Variants in MINAR1 observed in about 807,000 individuals in gnomAD.
MINAR1 encodes membrane integral NOTCH2 associated receptor 1.
MINAR1 carries 40 observed loss-of-function variants against 65.1 expected under a neutral mutation model. The ratio of observed to expected loss-of-function variants is 0.61; its 90% CI spans 0.48 to 0.80. MINAR1 has a LOEUF of 0.80. Ranked by LOEUF, MINAR1 falls within the 30% of genes least tolerant of loss-of-function variation. The pLI, the probability that MINAR1 is intolerant of heterozygous loss-of-function variation, is 0.00. For missense variants in MINAR1, 1,128 were observed against 1,148.0 expected (o/e 0.98, Z 0.25); for synonymous variants, 482 against 449.1 (o/e 1.07, Z -0.93).
intron 1 of MINAR1, among the ~76,000 whole-genome samples, chr15:79,451,263 G>T (rs1386972648): frequency 6.6e-6 from 1 of 152,142 alleles, no homozygotes; most frequent in Admixed American, 6.5e-5. Flanking sequence ...GGGGAGGCCA[G>T]GTCTCAATGT....
chr15:79,426,966 A>G, the MINAR1 span: 1 of 152,252 alleles, frequency 6.6e-6, no homozygotes, highest in Non-Finnish European at 1.5e-5. Flanking sequence ...AGACACATGC[A>G]CACGTATGTT....
rs1329258665 is a variant in MINAR1, at chr15:79,442,601, A to G, written c.-51+10061A>G. On this transcript the variant is annotated intron_variant, in intron 1 of 3. Coordinates refer to ENST00000305428, the MANE Select transcript of MINAR1 (RefSeq NM_015206.3). ...CTTGCCCCATAAAAATGAAAAAAAA[A>G]AAAAAAAAACTTCCAACAAAACATA... Among the ~76,000 whole-genome samples, 29 of 151,738 alleles carry G rather than the reference A, an allele frequency of 1.9e-4. 1 individual carries two copies. Among genetic ancestry groups the G allele is most frequent in the Admixed American group, 1.9e-3 (29 of 15,262 alleles).
upstream of MINAR1, among the ~76,000 whole-genome samples, chr15:79,432,281 G>A (rs1168095988): frequency 6.6e-6 from 1 of 152,150 alleles, no homozygotes. Flanking sequence ...GCTGGCCCTG[G>A]CCGGGACTGC....
At chr15:79,449,346 G>A (rs139484097) in intron 1 of MINAR1, among the ~76,000 whole-genome samples, 9 of 152,236 alleles carry the variant, frequency 5.9e-5, no homozygotes, top group African/African-American at 1.2e-4. Flanking sequence ...TTTAGTGTAC[G>A]CCCTATCTTA....
At chr15:79,439,379 T>G in intron 1 of MINAR1, among the ~76,000 whole-genome samples, 1 of 90,384 alleles carries the variant, frequency 1.1e-5, no homozygotes, top group Non-Finnish European at 2.3e-5. Context: ...GGGTAGGCAG[T>G]GTGTGTGTGG....
At chr15:79,452,270 T>G (rs890412692) in intron 1 of MINAR1, among the ~76,000 whole-genome samples, 3 of 150,908 alleles carry the variant, frequency 2.0e-5, no homozygotes, top group East Asian at 1.9e-4. Flanking sequence ...GTCTGTGTGT[T>G]TAGGTCTGTG....
Position 79,456,938 on chromosome 15 carries a change from T to C in MINAR1, c.791T>C (p.Phe264Ser), listed in dbSNP as rs1895442987. The C allele has an allele frequency of 6.2e-7, 1 of 1,614,026 alleles. No homozygotes were observed. Among genetic ancestry groups the C allele is most frequent in the Non-Finnish European group, 8.5e-7 (1 of 1,180,020 alleles). The part of the protein sequence containing the change: ...VQKRNIFKED[F>S]HNLMAVSPSL... ...AAAAGGAATATCTTCAAAGAGGATT[T>C]TCACAATTTGATGGCAGTGTCCCCC... Residue 264 changes from phenylalanine (F) to serine (S), a missense_variant, in exon 2 of 4, where the codon TTT (phenylalanine) becomes TCT (serine). Phe to Ser is a radical substitution (Grantham distance 155). Coordinates refer to ENST00000305428, the MANE Select transcript of MINAR1 (RefSeq NM_015206.3).
At chr15:79,437,478 A>G (rs1277534071) in intron 1 of MINAR1, among the ~76,000 whole-genome samples, 1 of 143,588 alleles carries the variant, frequency 7.0e-6, no homozygotes, top group African/African-American at 2.6e-5. Flanking sequence ...GTGGGTGGGT[A>G]GTGAGTAGGT....
intron 1 of MINAR1, among the ~76,000 whole-genome samples, chr15:79,452,898 T>G (rs1458992277): frequency 6.6e-6 from 1 of 151,054 alleles, no homozygotes; most frequent in African/African-American, 2.4e-5. Flanking sequence ...TGTAGGTGTG[T>G]CTGGGTGAAT....
chr15:79,432,269 G>T (rs1318140069), upstream of MINAR1, among the ~76,000 whole-genome samples: 1 of 152,096 alleles, frequency 6.6e-6, no homozygotes, highest in Admixed American at 6.5e-5. Context: ...CAGCCGCGGC[G>T]CGCTGGCCCT....
Position 79,459,459 on chromosome 15 carries a change from C to T in MINAR1, c.2298+1014C>T, listed in dbSNP as rs554362082. Among the ~76,000 whole-genome samples, 4 of 152,312 alleles carry T rather than the reference C, an allele frequency of 2.6e-5. No homozygotes were observed. In the East Asian group the frequency reaches 5.8e-4, roughly 22 times the overall value. On this transcript the variant is annotated intron_variant, in intron 2 of 3. Coordinates refer to ENST00000305428, the MANE Select transcript of MINAR1 (RefSeq NM_015206.3). ...CTGTGGCCCATCCTGTTCATTCTAA[C>T]TGGGTTACAGTGACCCCTTTCTGGC...
chr15:79,432,585 A>AGAGTGT (rs111350363), intron 1 of MINAR1, 45 bp downstream of exon 1: 4 of 150,648 alleles, frequency 2.7e-5, no homozygotes, highest in African/African-American at 9.7e-5. Context: ...GGAGCGCACG[A>AGAGTGT]GTGTGTGTGT....
intron 3 of MINAR1, 77 bp downstream of exon 3, chr15:79,463,398 C>T: frequency 6.4e-7 from 1 of 1,553,880 alleles, no homozygotes; most frequent in Non-Finnish European, 8.8e-7. Context: ...TCACGGACGG[C>T]TTAGACCGGC....
chr15:79,425,376 G>A, the MINAR1 span: 1 of 152,124 alleles, frequency 6.6e-6, no homozygotes, highest in Non-Finnish European at 1.5e-5. Context: ...CATCCCATTT[G>A]AACACTGCAA....
intron 1 of MINAR1, among the ~76,000 whole-genome samples, chr15:79,435,757 A>G (rs1042007973): frequency 1.3e-5 from 2 of 152,378 alleles, no homozygotes; most frequent in Admixed American, 6.5e-5. Context: ...ATTTGTTGCT[A>G]TATCTCTAGT....
At position 79,439,377 on chromosome 15, in the gene MINAR1, A is replaced by AGT. The variant is rs1180250813; in HGVS notation, c.-51+6847_-51+6848dup. Reference sequence around the variant, plus strand: ...GTAATGAGATGTGGGTGGGGTAGGCAGTGTGTGTGTGGGTGTGTGTGGGTA... The same window carrying AGT: ...GTAATGAGATGTGGGTGGGGTAGGCAGTGTGTGTGTGTGGGTGTGTGTGGGTA... On this transcript the variant is annotated intron_variant, in intron 1 of 3. Coordinates refer to ENST00000305428, the MANE Select transcript of MINAR1 (RefSeq NM_015206.3). Among the ~76,000 whole-genome samples, 5 of 61,604 alleles carry AGT rather than the reference A, an allele frequency of 8.1e-5. No individual in the cohort carries two copies. The South Asian group carries it at 2.7e-3, about 33-fold the overall frequency. 40.4% of individuals were successfully genotyped at this position (61,604 alleles called of 152,430 possible).
At position 79,457,244 on chromosome 15, in the gene MINAR1, C is replaced by T; in HGVS notation, c.1097C>T (p.Ala366Val). The T allele has an allele frequency of 6.2e-7, 1 of 1,614,128 alleles. No homozygotes were observed. The highest frequency in any genetic ancestry group is 1.6e-4 in the Middle Eastern group (1 of 6,062). The change falls in exon 2 of 4, where the codon GCC (alanine) becomes GTC (valine). Residue 366 changes from alanine (A) to valine (V), a missense_variant. Physicochemically the swap from Ala to Val is moderately conservative, Grantham distance 64. Transcript: ENST00000305428. Reference protein sequence around the residue: ...GKPNKQTPWPAKSWSLNTEEV... With the variant: ...GKPNKQTPWPVKSWSLNTEEV... ...CCCAACAAGCAGACTCCCTGGCCAG[C>T]CAAAAGCTGGAGCCTAAACACAGAG...
In MINAR1 at chr15:79,468,732, T is replaced by TAA. The variant is rs1895964781; in HGVS notation, c.*349_*350dup. 1 of 290,906 alleles carries TAA rather than the reference T, an allele frequency of 3.4e-6. No homozygotes were observed. 18.0% of individuals were successfully genotyped at this position (290,906 alleles called of 1,614,324 possible). ...TTTGATGATGTTTCATGGTGGGGAATAAGTTATACAGAAGATATTTAATAC... is the reference window on the plus strand; with the variant it reads ...TTTGATGATGTTTCATGGTGGGGAATAAAAGTTATACAGAAGATATTTAATAC... On this transcript the variant is annotated 3_prime_UTR_variant, in exon 4 of 4. Coordinates refer to ENST00000305428, the MANE Select transcript of MINAR1 (RefSeq NM_015206.3).
chr15:79,433,199 G>A (rs1031975657), intron 1 of MINAR1, among the ~76,000 whole-genome samples: 2 of 152,216 alleles, frequency 1.3e-5, no homozygotes, highest in Admixed American at 6.5e-5. Flanking sequence ...CCCTCCGAAA[G>A]CGATAATTTC....
Sources: gnomAD v4.1 joint callset for allele counts (sites outside exome capture counted in the v4.1 genomes callset) on GRCh38, gnomAD v4.1.1 for gene constraint, MANE v1.5 for transcripts, NCBI Gene and HGNC (gene_info 2026-07-23, HGNC 2026-07-21) for gene names.